The following VPS36 variants were observed in gnomAD, a reference collection of about 807,000 sequenced individuals.
The protein encoded by VPS36 is vacuolar protein-sorting-associated protein 36.
Under a neutral mutation model 63.5 loss-of-function variants are expected in VPS36, and 31 were observed. The observed-to-expected ratio is 0.49, with a 90% CI of 0.37 to 0.66. VPS36 has a LOEUF of 0.66. Ranked by LOEUF, VPS36 falls within the 30% of genes least tolerant of loss-of-function variation. VPS36 has a pLI of 0.00. For missense variants in VPS36, 338 were observed against 463.7 expected, an observed-to-expected ratio of 0.73 and a Z score of 2.49; for synonymous variants, 138 against 157.2, an observed-to-expected ratio of 0.88 and a Z score of 0.91.
rs547978470 is a variant in VPS36, at chr13:52,432,305, C to CG, written c.528+1356dup. ...GGCAGAGCTTGCAGTGAGCCAGGAT[C>CG]GAGCCACTGCACTCCAGCCTGGGCG... On this transcript the variant is annotated intron_variant, in intron 6 of 13. Coordinates refer to ENST00000378060, the MANE Select transcript of VPS36 (RefSeq NM_016075.4). 3.5e-3 allele frequency among the ~76,000 whole-genome samples: 537 copies of CG among 151,630 alleles called. 4 individuals are homozygous for CG. The highest frequency in any genetic ancestry group is 0.01 in the Middle Eastern group (3 of 292).
intron 1 of VPS36, among the ~76,000 whole-genome samples, chr13:52,447,580 A>C (rs1307989282): frequency 6.6e-6 from 1 of 152,204 alleles, no homozygotes; most frequent in East Asian, 1.9e-4. Flanking sequence ...GCATGTATTC[A>C]TAAGAGGCAC....
intron 12 of VPS36, chr13:52,416,421 A>C (rs1038635230): frequency 8.9e-6 from 2 of 224,118 alleles, no homozygotes; most frequent in Non-Finnish European, 1.7e-5. Context: ...CTGAGTACAT[A>C]TTAACGCTCC....
chr13:52,432,397 T>C (rs1389346232), intron 6 of VPS36, among the ~76,000 whole-genome samples: 1 of 152,030 alleles, frequency 6.6e-6, no homozygotes, highest in East Asian at 1.9e-4. Context: ...ACCTAATTAG[T>C]CATCGTCAAA....
At chr13:52,421,866 G>T (rs1237566952) in intron 10 of VPS36, among the ~76,000 whole-genome samples, 1 of 151,892 alleles carries the variant, frequency 6.6e-6, no homozygotes, top group Non-Finnish European at 1.5e-5. Context: ...CATATTTATG[G>T]GGTACAGGGG....
intron 1 of VPS36, among the ~76,000 whole-genome samples, chr13:52,447,274 C>A (rs561198447): frequency 2.0e-5 from 3 of 152,164 alleles, no homozygotes; most frequent in Admixed American, 2.0e-4. Flanking sequence ...CATAATAATG[C>A]TGAGATGAGC....
chr13:52,430,172 A>T (rs1594117679), intron 6 of VPS36, among the ~76,000 whole-genome samples: 1 of 152,220 alleles, frequency 6.6e-6, no homozygotes. Context: ...GTGAATAAAC[A>T]CAACAGATGA....
chr13:52,436,498 T>C, intron 3 of VPS36, 94 bp from the exon 4 acceptor site: 1 of 887,226 alleles, frequency 1.1e-6, no homozygotes, highest in East Asian at 2.7e-5. Context: ...CAAATCACTT[T>C]TAAAATTCAT....
chr13:52,436,612 G>A (rs969466894), intron 3 of VPS36, among the ~76,000 whole-genome samples: 4 of 152,054 alleles, frequency 2.6e-5, no homozygotes, highest in Non-Finnish European at 5.9e-5. Flanking sequence ...CCAAAGCTAT[G>A]AACCAAAAAG....
At chr13:52,444,575 C>T (rs907827537) in intron 1 of VPS36, among the ~76,000 whole-genome samples, 1 of 146,388 alleles carries the variant, frequency 6.8e-6, no homozygotes, top group East Asian at 2.0e-4. Context: ...CATATATATA[C>T]ACACACACAT....
At chr13:52,441,230 T>C (rs187451417) in intron 2 of VPS36, among the ~76,000 whole-genome samples, 2 of 152,148 alleles carry the variant, frequency 1.3e-5, no homozygotes, top group African/African-American at 2.4e-5. Context: ...AAAAGTCAGA[T>C]ATTGTAATGG....
At chr13:52,443,430 A>G (rs940464442) in intron 1 of VPS36, among the ~76,000 whole-genome samples, 1 of 152,172 alleles carries the variant, frequency 6.6e-6, no homozygotes, top group African/African-American at 2.4e-5. Flanking sequence ...GTATCCCTAT[A>G]AGAAGAGGAA....
In VPS36 at chr13:52,414,894, G is replaced by T. The variant is rs2137765462; in HGVS notation, c.*936C>A. ...CTCAGTAACATTTCTTACCGAAGTA[G>T]TTTTTCCACACAACTTACAACATAA... On this transcript the variant is annotated 3_prime_UTR_variant, in exon 14 of 14. Transcript: ENST00000378060. 1 of 152,314 alleles carries T rather than the reference G, an allele frequency of 6.6e-6. No homozygotes were observed. The highest frequency in any genetic ancestry group is 2.1e-4 in the South Asian group (1 of 4,822). 9.4% of individuals were successfully genotyped at this position (152,314 alleles called of 1,614,324 possible). A position where few individuals can be genotyped will look rare whatever the true frequency, so the allele number is the denominator to read the frequency against.
Position 52,435,513 on chromosome 13 carries a change from G to T in VPS36, c.352-631C>A, listed in dbSNP as rs545787000. On this transcript the variant is annotated intron_variant, in intron 4 of 13. Transcript: ENST00000378060. ...AATCCTGTGTATGTGGATTGTTTTC[G>T]ATCTATAATGAAACAAACACAGTGC... Among the ~76,000 whole-genome samples, 7 of 152,164 alleles carry T rather than the reference G, an allele frequency of 4.6e-5. No individual in the cohort carries two copies. The South Asian group carries it at 6.2e-4, about 14-fold the overall frequency.
chr13:52,428,735 TAG>T (rs963512671), intron 6 of VPS36, among the ~76,000 whole-genome samples: 6 of 152,272 alleles, frequency 3.9e-5, no homozygotes, highest in Middle Eastern at 6.8e-3. Flanking sequence ...AAGATATTAA[TAG>T]ATTTTTTTAT....
At chr13:52,449,850 GA>G in intron 1 of VPS36, 1 of 870,388 alleles carries the variant, frequency 1.1e-6, no homozygotes. Context: ...AACACGCTCA[GA>G]ACGCCTTTCT....
intron 4 of VPS36, 136 bp from the exon 5 acceptor site, chr13:52,435,018 C>G: frequency 1.2e-6 from 1 of 802,126 alleles, no homozygotes; most frequent in African/African-American, 1.9e-5. Context: ...GTTGCCCAGG[C>G]TGGAGTGCAA....
In VPS36 at chr13:52,425,032, G is replaced by A. The variant is rs145860892; in HGVS notation, c.774+900C>T. On this transcript the variant is annotated intron_variant, in intron 9 of 13. Transcript: ENST00000378060. Reference sequence around the variant, plus strand: ...ATGTAGCACTTTGGGAGGCCGAGGCGGGCGGATCATGAGGTCAGGAGATTG... The same window carrying A: ...ATGTAGCACTTTGGGAGGCCGAGGCAGGCGGATCATGAGGTCAGGAGATTG... Among the ~76,000 whole-genome samples the A allele has an allele frequency of 4.2e-3, 633 of 150,666 alleles. 7 individuals carry two copies. The highest frequency in any genetic ancestry group is 0.032 in the East Asian group (163 of 5,092).
chr13:52,415,644 A>G lies in VPS36; in HGVS notation c.*186T>C. On this transcript the variant is annotated 3_prime_UTR_variant, in exon 14 of 14. Transcript: ENST00000378060. The stretch of plus-strand genomic sequence containing the variant: ...TTCATATTGGCATTCACTTTTCTGA[A>G]TTTTCCTATGCGTATACTAAATAAA... The G allele has an allele frequency of 1.7e-6, 1 of 596,276 alleles. No homozygotes were observed. The allele number at this position is 596,276 out of a possible 1,614,324, so 36.9% of individuals were successfully genotyped here.
At chr13:52,442,270 T>G (rs1958287664) in intron 2 of VPS36, 107 bp downstream of exon 2, 1 of 986,890 alleles carries the variant, frequency 1.0e-6, no homozygotes, top group Non-Finnish European at 1.4e-6. Context: ...GAGAATCACT[T>G]GAGCCCAGAG....
Sources: gnomAD v4.1 joint callset for allele counts (sites outside exome capture counted in the v4.1 genomes callset) on GRCh38, gnomAD v4.1.1 for gene constraint, MANE v1.5 for transcripts, NCBI Gene and HGNC (gene_info 2026-07-23, HGNC 2026-07-21) for gene names.